The following ATOSA variants were observed in gnomAD, a reference collection of about 807,000 sequenced individuals.
The protein encoded by ATOSA is atos homolog A, also known as atos homolog protein A.
the ATOSA span, among the ~76,000 whole-genome samples, chr15:52,582,529 T>A: frequency 6.6e-6 from 1 of 152,226 alleles, no homozygotes. Flanking sequence ...TCCTTTTCCT[T>A]CCCTCAGTGC....
chr15:52,663,943 T>A, the ATOSA span, among the ~76,000 whole-genome samples: 12 of 152,210 alleles, frequency 7.9e-5, no homozygotes, highest in Non-Finnish European at 1.8e-4. Flanking sequence ...GAAATAGATA[T>A]ACGTATCTAC....
At chr15:52,690,915 GA>G in the ATOSA span, among the ~76,000 whole-genome samples, 1 of 152,188 alleles carries the variant, frequency 6.6e-6, no homozygotes, top group Admixed American at 6.5e-5. Flanking sequence ...TGGTGAAATT[GA>G]AATGTCAAGG....
At chr15:52,694,893 C>G in the ATOSA span, among the ~76,000 whole-genome samples, 1 of 151,376 alleles carries the variant, frequency 6.6e-6, no homozygotes, top group South Asian at 2.1e-4. Flanking sequence ...ACCATACTTT[C>G]CCCCATTATT....
the ATOSA span, among the ~76,000 whole-genome samples, chr15:52,674,628 T>G: frequency 1.3e-5 from 2 of 152,172 alleles, no homozygotes; most frequent in African/African-American, 4.8e-5. Context: ...CTTCTGTAGC[T>G]TTTATATTTT....
the ATOSA span, chr15:52,611,115 TGGCC>T: frequency 1.3e-6 from 2 of 1,589,856 alleles, no homozygotes; most frequent in Admixed American, 1.9e-5. Flanking sequence ...CCTTTTTTTT[TGGCC>T]CTAGACATAC....
the ATOSA span, among the ~76,000 whole-genome samples, chr15:52,633,531 G>T: frequency 1.3e-5 from 2 of 152,124 alleles, no homozygotes; most frequent in African/African-American, 4.8e-5. Flanking sequence ...AAAAGAAAGA[G>T]AAGGGGAGGT....
At chr15:52,587,227 TAAAAG>T in the ATOSA span, 1 of 1,611,040 alleles carries the variant, frequency 6.2e-7, no homozygotes, top group East Asian at 2.2e-5. Flanking sequence ...ACCCTTGAAA[TAAAAG>T]AAGACAAATT....
chr15:52,616,223 G>T, the ATOSA span, among the ~76,000 whole-genome samples: 1 of 152,194 alleles, frequency 6.6e-6, no homozygotes, highest in South Asian at 2.1e-4. Flanking sequence ...GGAAGACAGT[G>T]GTGATGAAAG....
the ATOSA span, among the ~76,000 whole-genome samples, chr15:52,600,894 C>T: frequency 6.6e-6 from 1 of 151,622 alleles, no homozygotes; most frequent in Non-Finnish European, 1.5e-5. Context: ...ATGATGACCA[C>T]TATATAGTTG....
At chr15:52,620,135 C>T in the ATOSA span, among the ~76,000 whole-genome samples, 1 of 152,108 alleles carries the variant, frequency 6.6e-6, no homozygotes, top group Non-Finnish European at 1.5e-5. Context: ...GAAAAGTGAA[C>T]AACTTAGCCA....
the ATOSA span, chr15:52,582,083 C>T: frequency 2.4e-6 from 3 of 1,252,500 alleles, no homozygotes; most frequent in Non-Finnish European, 3.2e-6. Context: ...TAATTTGGTA[C>T]ACTCCATTCT....
the ATOSA span, among the ~76,000 whole-genome samples, chr15:52,624,782 T>TA: frequency 3.3e-5 from 5 of 149,448 alleles, no homozygotes; most frequent in Non-Finnish European, 7.4e-5. Context: ...ACCTGCTTAT[T>TA]TTTTTTTTTT....
the ATOSA span, among the ~76,000 whole-genome samples, chr15:52,624,689 A>G: frequency 9.2e-5 from 14 of 152,140 alleles, no homozygotes; most frequent in African/African-American, 3.4e-4. Flanking sequence ...ATGGATGTAC[A>G]TCTACTAATG....
At chr15:52,707,092 T>A in the ATOSA span, among the ~76,000 whole-genome samples, 1 of 152,210 alleles carries the variant, frequency 6.6e-6, no homozygotes. Flanking sequence ...GACTTCCTTA[T>A]AACAGAATGT....
the ATOSA span, among the ~76,000 whole-genome samples, chr15:52,644,997 GA>G: frequency 6.6e-6 from 1 of 152,318 alleles, no homozygotes; most frequent in African/African-American, 2.4e-5. Flanking sequence ...TAGAAGAGTA[GA>G]AAAAAGAAGT....
the ATOSA span, chr15:52,613,935 T>C: frequency 7.5e-6 from 8 of 1,061,034 alleles, no homozygotes; most frequent in Admixed American, 3.9e-5. Context: ...CTAAAATAAC[T>C]AATGTCACAT....
chr15:52,693,863 C>G, the ATOSA span, among the ~76,000 whole-genome samples: 4 of 152,190 alleles, frequency 2.6e-5, no homozygotes, highest in Non-Finnish European at 5.9e-5. Flanking sequence ...AAAACCTCTT[C>G]TAGCCTTGCC....
At chr15:52,678,141 A>C in the ATOSA span, 2 of 1,241,264 alleles carry the variant, frequency 1.6e-6, no homozygotes, top group African/African-American at 3.0e-5. Flanking sequence ...GACAAAAATA[A>C]AATTAATCTG....
At chr15:52,602,233 G>A in the ATOSA span, among the ~76,000 whole-genome samples, 1 of 152,094 alleles carries the variant, frequency 6.6e-6, no homozygotes, top group Admixed American at 6.5e-5. Flanking sequence ...GCATGTGTGT[G>A]TATACACTTC....
Sources: gnomAD v4.1 joint callset for allele counts (sites outside exome capture counted in the v4.1 genomes callset) on GRCh38, gnomAD v4.1.1 for gene constraint, MANE v1.5 for transcripts, NCBI Gene and HGNC (gene_info 2026-07-23, HGNC 2026-07-21) for gene names.